The following GNL3L variants were observed in gnomAD, a reference collection of about 807,000 sequenced individuals.
GNL3L encodes the protein G protein nucleolar 3 like, also known as guanine nucleotide-binding protein-like 3-like protein.
Under a neutral mutation model 42.9 loss-of-function variants are expected in GNL3L, and 4 were observed. The ratio of observed to expected loss-of-function variants is 0.09; its 90% CI spans 0.05 to 0.21. The LOEUF (loss-of-function observed/expected upper bound fraction) is 0.21. Ranked by LOEUF, GNL3L falls within the 10% of genes least tolerant of loss-of-function variation. The probability of loss-of-function intolerance (pLI) is 1.00; values close to 1 mark genes in which losing one functional copy is unlikely to be tolerated. For missense variants in GNL3L, 412 were observed against 481.7 expected (o/e 0.86, Z 1.36); for synonymous variants, 159 against 176.3 (o/e 0.90, Z 0.78).
chrX:54,589,483 CAT>C (rs1925838012), intron 16 of GNL3L, among the ~76,000 whole-genome samples: 1 of 111,390 alleles, frequency 9.0e-6, no homozygotes, highest in Non-Finnish European at 1.9e-5. Flanking sequence ...TAAGTGAGAA[CAT>C]GTGATGTTTA....
intron 16 of GNL3L, among the ~76,000 whole-genome samples, chrX:54,620,483 C>T (rs1302709022): frequency 8.9e-6 from 1 of 111,836 alleles, no homozygotes; most frequent in Non-Finnish European, 1.9e-5. Context: ...TTTTTTATGG[C>T]CAAATAGTAC....
intron 16 of GNL3L, among the ~76,000 whole-genome samples, chrX:54,615,422 G>T (rs913569352): frequency 2.7e-5 from 3 of 111,237 alleles, no homozygotes; most frequent in African/African-American, 9.8e-5. Flanking sequence ...ATTTCTTTTG[G>T]GTAAATACCT....
chrX:54,580,422 C>A (rs1459951369), intron 16 of GNL3L, among the ~76,000 whole-genome samples: 1 of 110,359 alleles, frequency 9.1e-6, no homozygotes, highest in African/African-American at 3.3e-5. Flanking sequence ...GGGTTGGTTC[C>A]AAGTCTGTGC....
At chrX:54,559,356 G>A (rs1214941457) in intron 15 of GNL3L, among the ~76,000 whole-genome samples, 5 of 111,394 alleles carry the variant, frequency 4.5e-5, no homozygotes, top group African/African-American at 1.3e-4. Flanking sequence ...AATCCTACAC[G>A]TACAAGAGGA....
chrX:54,550,577 TG>T (rs1277650783), intron 9 of GNL3L, among the ~76,000 whole-genome samples: 1 of 111,216 alleles, frequency 9.0e-6, no homozygotes, highest in Admixed American at 9.6e-5. Context: ...CATCTGGAGA[TG>T]ACCTCCATCC....
the GNL3L span, among the ~76,000 whole-genome samples, chrX:54,630,700 T>TCCTTCCTG: frequency 7.0e-5 from 1 of 14,304 alleles, no homozygotes; most frequent in Admixed American, 8.2e-4. Flanking sequence ...CTTCCTTCCT[T>TCCTTCCTG]TCTTTCTTTT....
chrX:54,602,565 C>G (rs1442687113), intron 16 of GNL3L, among the ~76,000 whole-genome samples: 1 of 111,327 alleles, frequency 9.0e-6, no homozygotes, highest in Non-Finnish European at 1.9e-5. Context: ...TAACTTGTGT[C>G]TAACTAGTAG....
At chrX:54,600,805 T>C (rs1246716243) in intron 16 of GNL3L, among the ~76,000 whole-genome samples, 10 of 111,256 alleles carry the variant, frequency 9.0e-5, no homozygotes. Flanking sequence ...AGTCTGGCAG[T>C]TCTCCAAAAA....
chrX:54,572,461 CCCT>C lies in GNL3L; in HGVS notation c.*45+11815_*45+11817del, dbSNP rs1569542329. On this transcript the variant is annotated intron_variant, in intron 16 of 16. Transcript: ENST00000674498. ...TCTCAATCTTTTCCCCACCTTTCCC[CCCT>C]TTCTATTCCACAAAGCCGCCATTGT... Among the ~76,000 whole-genome samples the C allele has an allele frequency of 2.7e-4, 30 of 111,695 alleles. No individual in the cohort carries two copies. In the South Asian group the frequency reaches 7.3e-3, roughly 27 times the overall value.
chrX:54,603,119 A>T (rs5915145), intron 16 of GNL3L, among the ~76,000 whole-genome samples: 11,365 of 111,581 alleles, frequency 0.1, 1,261 homozygotes, highest in African/African-American at 0.33. Context: ...AAATAACTGT[A>T]AGCTATGACA....
At chrX:54,625,293 T>TG (rs199659100), downstream of GNL3L, among the ~76,000 whole-genome samples, 658 of 87,363 alleles carry the variant, frequency 7.5e-3, 8 homozygotes, top group African/African-American at 0.053. Flanking sequence ...TGTTTTGTTT[T>TG]TTTTTTTTTT....
the GNL3L span, among the ~76,000 whole-genome samples, chrX:54,638,695 C>A: frequency 9.0e-6 from 1 of 111,704 alleles, no homozygotes; most frequent in East Asian, 2.8e-4. Context: ...GGTGATCCAC[C>A]CACCTCGGCC....
chrX:54,604,669 A>AAAAAC (rs951848290), intron 16 of GNL3L, among the ~76,000 whole-genome samples: 5 of 111,854 alleles, frequency 4.5e-5, no homozygotes, highest in Non-Finnish European at 9.4e-5. Flanking sequence ...AAAAACAAAC[A>AAAAAC]AAAACAAAAC....
At position 54,567,267 on chromosome X, in the gene GNL3L, T is replaced by C. The variant is rs1397256022; in HGVS notation, c.*6665T>C. On this transcript the variant is annotated 3_prime_UTR_variant, in exon 16 of 16. Coordinates refer to ENST00000360845, the MANE Select transcript of GNL3L (RefSeq NM_001184819.2). Reference sequence around the variant, plus strand: ...CAATCATATCTTCTGTGAATAAACATGGTTTTATTTCTTCATGTCTAATAT... The same window carrying C: ...CAATCATATCTTCTGTGAATAAACACGGTTTTATTTCTTCATGTCTAATAT... Among the ~76,000 whole-genome samples the C allele has an allele frequency of 9.0e-6, 1 of 111,431 alleles. No individual in the cohort carries two copies. Among genetic ancestry groups the C allele is most frequent in the Non-Finnish European group, 1.9e-5 (1 of 53,092 alleles).
At chrX:54,619,775 A>G (rs893657556) in intron 16 of GNL3L, among the ~76,000 whole-genome samples, 3 of 111,213 alleles carry the variant, frequency 2.7e-5, no homozygotes, top group East Asian at 5.6e-4. Context: ...CCTGGTGCCA[A>G]TTACAATCTG....
the GNL3L span, among the ~76,000 whole-genome samples, chrX:54,645,199 C>G: frequency 9.0e-6 from 1 of 111,484 alleles, no homozygotes; most frequent in Non-Finnish European, 1.9e-5. Context: ...CAAGTTTGTG[C>G]CTCATTTAAT....
At position 54,573,901 on chromosome X, in the gene GNL3L, G is replaced by T. The variant is rs193216774; in HGVS notation, c.*45+13254G>T. ...CCAGTAATCTTTGATTTGATGCCAGGCCCTGTGAATTTTGCCGTTTTCATT... is the reference window on the plus strand; with the variant it reads ...CCAGTAATCTTTGATTTGATGCCAGTCCCTGTGAATTTTGCCGTTTTCATT... On this transcript the variant is annotated intron_variant, in intron 16 of 16. Transcript: ENST00000674498. Among the ~76,000 whole-genome samples the T allele has an allele frequency of 2.6e-3, 274 of 106,557 alleles. 3 individuals are homozygous for T. Among genetic ancestry groups the T allele is most frequent in the African/African-American group, 9.2e-3 (268 of 29,127 alleles). 92.5% of individuals were successfully genotyped at this position (106,557 alleles called of 115,157 possible).
At chrX:54,555,724 A>G (rs769608935) in intron 14 of GNL3L, among the ~76,000 whole-genome samples, 35 of 86,075 alleles carry the variant, frequency 4.1e-4, no homozygotes, top group African/African-American at 1.6e-3. Context: ...CAGGTGATCC[A>G]CCTGCCTCGG....
At chrX:54,552,044 C>T (rs1924958472) in intron 12 of GNL3L, 70 bp downstream of exon 12, 1 of 1,106,388 alleles carries the variant, frequency 9.0e-7, no homozygotes. Context: ...CTCATCTGTG[C>T]TCATTGCCGC....
Sources: gnomAD v4.1 joint callset for allele counts (sites outside exome capture counted in the v4.1 genomes callset) on GRCh38, gnomAD v4.1.1 for gene constraint, MANE v1.5 for transcripts, NCBI Gene and HGNC (gene_info 2026-07-23, HGNC 2026-07-21) for gene names.